The following ZNF48 variants were observed in gnomAD, a reference collection of about 807,000 sequenced individuals.
The protein encoded by ZNF48 is zinc finger protein 48.
Under a neutral mutation model 40.0 loss-of-function variants are expected in ZNF48, and 20 were observed. That is an observed-to-expected ratio of 0.50 (90% CI 0.35 to 0.73). ZNF48 has a LOEUF of 0.73. Among genes scored for constraint, ZNF48 ranks in the 30% least tolerant of loss-of-function variants. ZNF48 has a pLI of 0.01. For synonymous variants in ZNF48, 298 were observed against 329.7 expected, an observed-to-expected ratio of 0.90 and a Z score of 1.04; for missense variants, 726 against 851.9, an observed-to-expected ratio of 0.85 and a Z score of 1.84.
intron 1 of ZNF48, among the ~76,000 whole-genome samples, chr16:30,387,410 C>T (rs1206531628): frequency 6.8e-6 from 1 of 147,294 alleles, no homozygotes; most frequent in African/African-American, 2.4e-5. Flanking sequence ...CAAAAATTAG[C>T]CAGGCATGGT....
chr16:30,396,363 C>G (rs564174439), intron 2 of ZNF48, among the ~76,000 whole-genome samples: 4 of 152,164 alleles, frequency 2.6e-5, no homozygotes, highest in African/African-American at 9.7e-5. Context: ...TCTCTTCGCT[C>G]TGCCGTAATG....
chr16:30,396,462 T>G (rs528866518), intron 2 of ZNF48, among the ~76,000 whole-genome samples: 1 of 152,258 alleles, frequency 6.6e-6, no homozygotes, highest in Non-Finnish European at 1.5e-5. Flanking sequence ...CATTGATACT[T>G]TAATCTTATC....
intron 1 of ZNF48, among the ~76,000 whole-genome samples, chr16:30,387,013 G>A (rs1243383998): frequency 2.0e-5 from 3 of 148,054 alleles, no homozygotes; most frequent in Non-Finnish European, 4.5e-5. Context: ...CACGATCTTG[G>A]CTCACTGCAA....
intron 1 of ZNF48, chr16:30,378,722 ACAGGAAT>A (rs1287609072): frequency 3.8e-6 from 6 of 1,599,838 alleles, no homozygotes; most frequent in Non-Finnish European, 5.1e-6. Flanking sequence ...TGGGAAGGGG[ACAGGAAT>A]CAGGAGCGGG....
At chr16:30,380,924 C>T (rs931151083) in intron 1 of ZNF48, 6 of 615,712 alleles carry the variant, frequency 9.7e-6, no homozygotes, top group African/African-American at 5.5e-5. Flanking sequence ...GCATCTAGCC[C>T]GGGGGCTGCA....
chr16:30,384,301 G>C (rs1453691616), intron 1 of ZNF48, among the ~76,000 whole-genome samples: 1 of 151,980 alleles, frequency 6.6e-6, no homozygotes, highest in Non-Finnish European at 1.5e-5. Context: ...GGCTGAGTCG[G>C]GCAGATCACG....
chr16:30,386,367 T>G (rs376983682), intron 1 of ZNF48, among the ~76,000 whole-genome samples: 59 of 151,114 alleles, frequency 3.9e-4, no homozygotes, highest in African/African-American at 1.3e-3. Flanking sequence ...TAAAATGCAA[T>G]TGAAATATAA....
chr16:30,398,510 G>T lies in ZNF48; in HGVS notation c.1260G>T (p.Ser420=). Residue 420 remains serine (S), a synonymous_variant, in exon 3 of 3, where the codon TCG becomes TCT. Coordinates refer to ENST00000613509, the MANE Select transcript of ZNF48 (RefSeq NM_001214909.2). The surrounding 1 kb of genome is among the most constrained non-coding windows in gnomAD (Gnocchi z 6.6). ...TGACACCTCGAAGTCCCTCACACTC[G>T]GGTGAGCCTTTTGGCCTGCCTGGCT... ...PPLTPRSPSH[S]GEPFGLPGLE... The T allele has an allele frequency of 1.3e-6, 2 of 1,594,076 alleles. No homozygotes were observed. Among genetic ancestry groups the T allele is most frequent in the Non-Finnish European group, 1.7e-6 (2 of 1,169,566 alleles).
At chr16:30,379,640 C>CTTTT (rs71149011) in intron 1 of ZNF48, 32,583 of 234,902 alleles carry the variant, frequency 0.14, 5,893 homozygotes, top group East Asian at 0.29. Flanking sequence ...GCCCCTTCCT[C>CTTTT]TTTTTTTTTT....
In ZNF48 at chr16:30,398,635, G is replaced by A. The variant is rs754256087; in HGVS notation, c.1385G>A (p.Arg462Gln). Reference protein sequence around the residue: ...KCPECGKGFRRSSDLVKHHRV... With the variant: ...KCPECGKGFRQSSDLVKHHRV... The stretch of plus-strand genomic sequence containing the variant: ...CCTGAGTGTGGCAAGGGCTTCCGCC[G>A]AAGCTCTGACCTGGTGAAACACCAT... The change falls in exon 3 of 3, where the codon CGA (arginine) becomes CAA (glutamine). Residue 462 changes from arginine to glutamine, a missense_variant. This residue lies in a region of ZNF48 where 378 missense variants were observed against 449.1 expected (regional missense o/e 0.84). Transcript: ENST00000613509. This position sits in a 1 kb window ranked among gnomAD's most constrained non-coding sequence, Gnocchi z 6.6. 1.9e-6 allele frequency: 3 copies of A among 1,611,118 alleles called. No homozygotes were observed. The highest frequency in any genetic ancestry group is 1.1e-5 in the South Asian group (1 of 90,740).
chr16:30,378,711 G>A, intron 1 of ZNF48: 2 of 1,604,832 alleles, frequency 1.2e-6, no homozygotes, highest in Non-Finnish European at 1.7e-6. Flanking sequence ...CTGCGGGACA[G>A]TGGGAAGGGG....
rs951006895 is a variant in ZNF48 at position 30,397,229 on chromosome 16, T to C, written c.80-101T>C. 2.7e-6 allele frequency: 3 copies of C among 1,099,196 alleles called. No individual in the cohort carries two copies. The African/African-American group carries it at 4.7e-5, about 17-fold the overall frequency. 68.1% of individuals were successfully genotyped at this position (1,099,196 alleles called of 1,614,324 possible). ...GAGAGGACAGAGAGATTGGGGTTCC[T>C]GTGACCACAGATTGTCAAGGGAGTC... is the stretch of plus-strand genomic sequence containing the variant. On this transcript the variant is annotated intron_variant, in intron 2 of 2. Coordinates refer to ENST00000613509, the MANE Select transcript of ZNF48 (RefSeq NM_001214909.2). The surrounding 1 kb of genome is among the most constrained non-coding windows in gnomAD (Gnocchi z 4.1).
intron 1 of ZNF48, chr16:30,379,611 C>G (rs1040489123): frequency 5.3e-6 from 5 of 943,556 alleles, no homozygotes; most frequent in Middle Eastern, 2.1e-4. Flanking sequence ...AATCTCCACA[C>G]CCGCCTCCTC....
upstream of ZNF48, among the ~76,000 whole-genome samples, chr16:30,391,558 TG>T (rs1025949271): frequency 2.5e-4 from 38 of 151,604 alleles, no homozygotes; most frequent in African/African-American, 9.2e-4. Flanking sequence ...TGCAGTGGTG[TG>T]ATCTCAGCTC....
At position 30,382,596 on chromosome 16, in the gene ZNF48, C is replaced by A. The variant is rs111542325; in HGVS notation, c.-16+4186C>A. On this transcript the variant is annotated intron_variant, in intron 1 of 2. Transcript: ENST00000528032. The surrounding 1 kb of genome is among the most constrained non-coding windows in gnomAD (Gnocchi z 4.8). The stretch of plus-strand genomic sequence containing the variant: ...CTCTGGTGGGGCAGGAAGCTGAGTG[C>A]GGCTAACAAGGGGGCGGGCAGAAGA... The A allele has an allele frequency of 6.4e-7, 1 of 1,560,084 alleles. No homozygotes were observed. The highest frequency in any genetic ancestry group is 8.7e-7 in the Non-Finnish European group (1 of 1,151,754).
chr16:30,379,426 C>T (rs1567423493), intron 1 of ZNF48: 1 of 1,612,156 alleles, frequency 6.2e-7, no homozygotes, highest in Non-Finnish European at 8.5e-7. Flanking sequence ...CCTGCCTGGC[C>T]TCACTCACCC....
chr16:30,396,506 T>G lies in ZNF48; in HGVS notation c.79+633T>G, dbSNP rs547242952. Among the ~76,000 whole-genome samples, 15 of 152,272 alleles carry G rather than the reference T, an allele frequency of 9.9e-5. No homozygotes were observed. In the South Asian group the frequency reaches 2.9e-3, roughly 29 times the overall value. The stretch of plus-strand genomic sequence containing the variant: ...CACCCTAAGCTTCTTGAGGAAGGGA[T>G]GTGTGCCTGGGTCCTCTCAGGTACA... On this transcript the variant is annotated intron_variant, in intron 2 of 2. Transcript: ENST00000613509.
chr16:30,391,138 T>C (rs1487616253), upstream of ZNF48, among the ~76,000 whole-genome samples: 2 of 152,218 alleles, frequency 1.3e-5, no homozygotes, highest in East Asian at 1.9e-4. Context: ...TCTCTGAAGA[T>C]AGGTCGTAAT....
upstream of ZNF48, among the ~76,000 whole-genome samples, chr16:30,391,613 C>T (rs952576666): frequency 6.6e-5 from 10 of 150,634 alleles, no homozygotes; most frequent in Middle Eastern, 3.4e-3. Context: ...CTCCTGCCTC[C>T]GCCTCCCGAG....
Sources: allele counts gnomAD v4.1 joint callset (sites outside exome capture counted in the v4.1 genomes callset), GRCh38; gene constraint gnomAD v4.1.1; regional missense constraint gnomAD v4.1.1; non-coding constraint Gnocchi (gnomAD v3.1); transcripts MANE v1.5; gene names NCBI Gene and HGNC (gene_info 2026-07-23, HGNC 2026-07-21).